IL1RAPL2: variants seen among roughly 807,000 people sequenced by gnomAD.
IL1RAPL2 encodes the protein X-linked interleukin-1 receptor accessory protein-like 2.
Under a neutral mutation model 44.1 loss-of-function variants are expected in IL1RAPL2, and 3 were observed. The ratio of observed to expected loss-of-function variants is 0.07; its 90% confidence interval spans 0.03 to 0.18. The LOEUF is 0.18. Among genes scored for constraint, IL1RAPL2 ranks in the 10% least tolerant of loss-of-function variants. The probability of loss-of-function intolerance (pLI) is 1.00; values close to 1 mark genes in which losing one functional copy is unlikely to be tolerated. For synonymous variants in IL1RAPL2, 181 were observed against 178.8 expected, an observed-to-expected ratio of 1.01 and a Z score of -0.10; for missense variants, 391 against 496.4, an observed-to-expected ratio of 0.79 and a Z score of 2.02.
intron 2 of IL1RAPL2, among the ~76,000 whole-genome samples, chrX:105,075,442 G>C (rs770625233): frequency 3.6e-5 from 4 of 111,472 alleles, no homozygotes; most frequent in African/African-American, 9.8e-5. Context: ...GATTCGGTTT[G>C]CCAGTATTTT....
chrX:104,795,614 T>C (rs760022390), intron 2 of IL1RAPL2, among the ~76,000 whole-genome samples: 2 of 111,451 alleles, frequency 1.8e-5, no homozygotes, highest in East Asian at 2.8e-4. Context: ...TATTCTGTTA[T>C]TTGAATCCCT....
intron 5 of IL1RAPL2, among the ~76,000 whole-genome samples, chrX:105,305,532 C>A (rs2034729341): frequency 9.0e-6 from 1 of 110,811 alleles, no homozygotes; most frequent in Non-Finnish European, 1.9e-5. Context: ...CTTCCCTCCC[C>A]CAACTTTCTC....
At chrX:104,905,820 G>T (rs1417276471) in intron 2 of IL1RAPL2, among the ~76,000 whole-genome samples, 2 of 111,163 alleles carry the variant, frequency 1.8e-5, no homozygotes, top group Non-Finnish European at 3.8e-5. Context: ...CTTTAAAGTA[G>T]TTTTTTCCAA....
chrX:105,019,177 T>C (rs1167943228), intron 2 of IL1RAPL2, among the ~76,000 whole-genome samples: 3 of 112,154 alleles, frequency 2.7e-5, no homozygotes, highest in East Asian at 5.6e-4. Flanking sequence ...AAGTACAGAA[T>C]TGAGTAGCCT....
At chrX:105,463,547 GTC>G (rs2036107275) in intron 5 of IL1RAPL2, among the ~76,000 whole-genome samples, 1 of 72,372 alleles carries the variant, frequency 1.4e-5, no homozygotes, top group African/African-American at 4.9e-5. Context: ...CTCTCTGTCT[GTC>G]TCTCTGTCTC....
intron 2 of IL1RAPL2, among the ~76,000 whole-genome samples, chrX:105,126,746 T>C (rs1461397459): frequency 9.0e-6 from 1 of 111,355 alleles, no homozygotes. Flanking sequence ...GTTCTCATTA[T>C]AGATGTGTAG....
At chrX:105,087,225 A>T (rs945775214) in intron 2 of IL1RAPL2, among the ~76,000 whole-genome samples, 1 of 111,585 alleles carries the variant, frequency 9.0e-6, no homozygotes, top group Non-Finnish European at 1.9e-5. Flanking sequence ...GACATTAGGC[A>T]AGTCACCTAT....
chrX:105,666,775 G>A (rs1207461383), intron 6 of IL1RAPL2, among the ~76,000 whole-genome samples: 2 of 111,149 alleles, frequency 1.8e-5, no homozygotes, highest in East Asian at 2.8e-4. Flanking sequence ...ATGGACAGGC[G>A]CCCCTCATGT....
intron 2 of IL1RAPL2, among the ~76,000 whole-genome samples, chrX:105,033,399 G>A (rs1179619897): frequency 9.0e-6 from 1 of 111,535 alleles, no homozygotes; most frequent in Non-Finnish European, 1.9e-5. Flanking sequence ...TCCTTCAGGA[G>A]CTCTTTTAGG....
intron 2 of IL1RAPL2, among the ~76,000 whole-genome samples, chrX:104,864,761 C>T (rs1922574454): frequency 9.0e-6 from 1 of 111,336 alleles, no homozygotes; most frequent in African/African-American, 3.3e-5. Context: ...CATCTTTCTC[C>T]CATCCTTCCC....
At chrX:104,597,877 C>T (rs780595504) in intron 1 of IL1RAPL2, among the ~76,000 whole-genome samples, 1 of 111,884 alleles carries the variant, frequency 8.9e-6, no homozygotes, top group East Asian at 2.8e-4. Flanking sequence ...TATTGAACAT[C>T]AAATGAGAAA....
intron 2 of IL1RAPL2, among the ~76,000 whole-genome samples, chrX:104,912,363 C>T: frequency 9.0e-6 from 1 of 110,583 alleles, no homozygotes; most frequent in Non-Finnish European, 1.9e-5. Flanking sequence ...TCCTGAGTTA[C>T]AGTATGGTGC....
chrX:104,835,048 A>G (rs1921703666), intron 2 of IL1RAPL2, among the ~76,000 whole-genome samples: 1 of 112,242 alleles, frequency 8.9e-6, no homozygotes, highest in Non-Finnish European at 1.9e-5. Context: ...GAAAACAGAA[A>G]AAAAATGTTG....
intron 2 of IL1RAPL2, among the ~76,000 whole-genome samples, chrX:104,835,631 A>C (rs1287935407): frequency 8.9e-6 from 1 of 112,000 alleles, no homozygotes; most frequent in African/African-American, 3.2e-5. Context: ...AAATTAAATA[A>C]AAAGTTCAAT....
At chrX:104,886,781 G>A (rs1008793241) in intron 2 of IL1RAPL2, among the ~76,000 whole-genome samples, 1 of 111,999 alleles carries the variant, frequency 8.9e-6, no homozygotes, top group African/African-American at 3.2e-5. Flanking sequence ...TTATGTGGAC[G>A]GTCTTGCCCC....
intron 2 of IL1RAPL2, among the ~76,000 whole-genome samples, chrX:104,768,255 C>G (rs1458927810): frequency 9.0e-6 from 1 of 111,350 alleles, no homozygotes; most frequent in East Asian, 2.8e-4. Flanking sequence ...TTCCTCCTAT[C>G]TAATTGAGAA....
chrX:105,291,308 G>A (rs1226243763), intron 5 of IL1RAPL2, among the ~76,000 whole-genome samples: 3 of 111,448 alleles, frequency 2.7e-5, no homozygotes, highest in East Asian at 2.8e-4. Flanking sequence ...TGAGAGAAAG[G>A]GAGGGGAAGC....
At chrX:105,717,225 C>T in intron 6 of IL1RAPL2, 142 bp from the exon 7 acceptor site, 4 of 419,785 alleles carry the variant, frequency 9.5e-6, no homozygotes, top group Non-Finnish European at 7.5e-6. Context: ...AAAATTTTTC[C>T]CAGGTACAAT....
At chrX:105,642,152 C>G (rs921215693) in intron 6 of IL1RAPL2, among the ~76,000 whole-genome samples, 23 of 109,564 alleles carry the variant, frequency 2.1e-4, no homozygotes, top group Middle Eastern at 4.7e-3. Context: ...CACAGCCCCC[C>G]ACTCCTGCCC....
Sources: gnomAD v4.1 joint callset for allele counts (sites outside exome capture counted in the v4.1 genomes callset) on GRCh38, gnomAD v4.1.1 for gene constraint, MANE v1.5 for transcripts, NCBI Gene and HGNC (gene_info 2026-07-23, HGNC 2026-07-21) for gene names.